The following SHISA9 variants were observed in gnomAD, a reference collection of about 807,000 sequenced individuals.
SHISA9 encodes shisa family member 9.
SHISA9 carries 13 observed loss-of-function variants against 38.0 expected under a neutral mutation model. The observed-to-expected ratio is 0.34, with a 90% CI of 0.22 to 0.54. SHISA9 has a LOEUF of 0.54. Among genes scored for constraint, SHISA9 ranks in the 20% least tolerant of loss-of-function variants. SHISA9 has a pLI of 0.91. For missense variants in SHISA9, 538 were observed against 575.8 expected (o/e 0.93, Z 0.67); for synonymous variants, 275 against 242.0 (o/e 1.14, Z -1.27).
At position 13,094,471 on chromosome 16, in the gene SHISA9, A is replaced by T. The variant is rs924464025; in HGVS notation, c.692-108923A>T. Among the ~76,000 whole-genome samples the T allele has an allele frequency of 2.6e-5, 4 of 152,262 alleles. No homozygotes were observed. The East Asian group carries it at 7.7e-4, about 29-fold the overall frequency. On this transcript the variant is annotated intron_variant, in intron 2 of 4. Coordinates refer to ENST00000558583, the MANE Select transcript of SHISA9 (RefSeq NM_001145204.3). Reference sequence around the variant, plus strand: ...ATGACTAGGCAAAAATAAAAAAAAAATCCCCCAAACTAATTCACTTTGACT... The same window carrying T: ...ATGACTAGGCAAAAATAAAAAAAAATTCCCCCAAACTAATTCACTTTGACT...
At chr16:13,314,057 G>C in the SHISA9 span, among the ~76,000 whole-genome samples, 1 of 152,060 alleles carries the variant, frequency 6.6e-6, no homozygotes, top group South Asian at 2.1e-4. Context: ...CTCATGGGTG[G>C]GTTCCCAGCC....
At chr16:13,469,071 A>G in the SHISA9 span, among the ~76,000 whole-genome samples, 1 of 151,404 alleles carries the variant, frequency 6.6e-6, no homozygotes, top group Non-Finnish European at 1.5e-5. Flanking sequence ...GTGAAACCCC[A>G]TCTCTACTAA....
intron 2 of SHISA9, among the ~76,000 whole-genome samples, chr16:13,012,917 A>G (rs531960037): frequency 3.3e-5 from 5 of 152,192 alleles, no homozygotes; most frequent in Non-Finnish European, 7.4e-5. Flanking sequence ...TGTGCTTGCC[A>G]TCTCCATGGT....
intron 2 of SHISA9, among the ~76,000 whole-genome samples, chr16:12,972,563 A>G (rs1213866004): frequency 2.0e-5 from 3 of 152,350 alleles, no homozygotes; most frequent in South Asian, 4.1e-4. Context: ...CTTCTCATGA[A>G]GGTGGAAATA....
chr16:13,522,010 G>C, the SHISA9 span, among the ~76,000 whole-genome samples: 839 of 152,310 alleles, frequency 5.5e-3, 3 homozygotes, highest in Middle Eastern at 0.017. Context: ...CTGTGGTCCA[G>C]AAACGGAACT....
chr16:13,180,268 G>A (rs965238183), intron 2 of SHISA9, among the ~76,000 whole-genome samples: 8 of 152,188 alleles, frequency 5.3e-5, no homozygotes, highest in African/African-American at 1.9e-4. Context: ...CCACATTCCT[G>A]TTGAGAGATA....
At chr16:13,292,180 G>A in the SHISA9 span, among the ~76,000 whole-genome samples, 1 of 151,892 alleles carries the variant, frequency 6.6e-6, no homozygotes, top group South Asian at 2.1e-4. Flanking sequence ...GATGACCCAA[G>A]ACCCTTGTTT....
intron 2 of SHISA9, among the ~76,000 whole-genome samples, chr16:13,132,772 C>T (rs1393441830): frequency 6.6e-6 from 1 of 152,162 alleles, no homozygotes. Context: ...GAGACCCTCT[C>T]ACTGATAAGA....
chr16:13,520,949 ACATT>A, the SHISA9 span, among the ~76,000 whole-genome samples: 3 of 152,174 alleles, frequency 2.0e-5, no homozygotes, highest in Non-Finnish European at 2.9e-5. Flanking sequence ...TGTAATTAGC[ACATT>A]CATTACCTTA....
chr16:13,160,306 A>T (rs1029064527), intron 2 of SHISA9, among the ~76,000 whole-genome samples: 12 of 152,190 alleles, frequency 7.9e-5, no homozygotes, highest in Non-Finnish European at 1.6e-4. Context: ...AGTGCTTGAT[A>T]TCTTGATTTG....
rs899551126 is a variant in SHISA9 at position 13,209,872 on chromosome 16, C to T, written c.848-3381C>T. Among the ~76,000 whole-genome samples the T allele has an allele frequency of 5.3e-5, 8 of 152,166 alleles. No individual in the cohort carries two copies. The East Asian group carries it at 5.8e-4, about 11-fold the overall frequency. On this transcript the variant is annotated intron_variant, in intron 3 of 4. Coordinates refer to ENST00000558583, the MANE Select transcript of SHISA9 (RefSeq NM_001145204.3). ...ATTCCAGCACTTTGGGAGGCCAAGG[C>T]GATGGATCACGGGGTCAGGAGATCG...
At chr16:13,191,465 A>G (rs2050884725) in intron 2 of SHISA9, among the ~76,000 whole-genome samples, 1 of 152,226 alleles carries the variant, frequency 6.6e-6, no homozygotes. Flanking sequence ...TTTAGCTACC[A>G]TATGTTGGGT....
the SHISA9 span, among the ~76,000 whole-genome samples, chr16:13,497,189 G>A: frequency 7.4e-3 from 1,117 of 151,700 alleles, 17 homozygotes; most frequent in African/African-American, 0.026. Flanking sequence ...ATATTTATGG[G>A]GTACAGTGTG....
chr16:13,114,429 G>T (rs1355130830), intron 2 of SHISA9, among the ~76,000 whole-genome samples: 1 of 134,364 alleles, frequency 7.4e-6, no homozygotes, highest in Non-Finnish European at 1.5e-5. Flanking sequence ...TTGCACCACT[G>T]CACTCCAGCC....
intron 3 of SHISA9, 123 bp from the exon 4 acceptor site, chr16:13,213,129 CT>C (rs1481175671): frequency 2.6e-5 from 20 of 772,352 alleles, no homozygotes; most frequent in Non-Finnish European, 3.9e-5. Context: ...CCTGGGTCCC[CT>C]GAGGCCTGTC....
chr16:13,314,590 A>G, the SHISA9 span, among the ~76,000 whole-genome samples: 1 of 152,098 alleles, frequency 6.6e-6, no homozygotes, highest in East Asian at 1.9e-4. Flanking sequence ...GATATACCAA[A>G]AAAAAACGTG....
chr16:13,508,130 A>C, the SHISA9 span, among the ~76,000 whole-genome samples: 1 of 152,098 alleles, frequency 6.6e-6, no homozygotes, highest in Non-Finnish European at 1.5e-5. Flanking sequence ...CTTTTCTGTA[A>C]TATGGGAATA....
At chr16:13,047,221 TTAA>T in intron 2 of SHISA9, among the ~76,000 whole-genome samples, 1 of 152,210 alleles carries the variant, frequency 6.6e-6, no homozygotes, top group Admixed American at 6.5e-5. Flanking sequence ...TCTTAGAGGT[TTAA>T]TAAATTCTTC....
the SHISA9 span, among the ~76,000 whole-genome samples, chr16:13,498,804 A>G: frequency 6.6e-6 from 1 of 152,192 alleles, no homozygotes; most frequent in Non-Finnish European, 1.5e-5. Context: ...TTTGTTTTCA[A>G]AGATGTCCAA....
Sources: allele counts gnomAD v4.1 joint callset (sites outside exome capture counted in the v4.1 genomes callset), GRCh38; gene constraint gnomAD v4.1.1; transcripts MANE v1.5; gene names NCBI Gene and HGNC (gene_info 2026-07-23, HGNC 2026-07-21).